The following ASIC2 variants were observed in gnomAD, a reference collection of about 807,000 sequenced individuals.
ASIC2 encodes acid-sensing ion channel 2.
A neutral mutation model predicts 57.3 loss-of-function variants in ASIC2; 25 were observed. That is an observed-to-expected ratio of 0.44 (90% CI 0.32 to 0.61). The LOEUF is 0.61. ASIC2 is among the 20% of genes least tolerant of loss of function. The pLI is 0.06. For synonymous variants in ASIC2, 319 were observed against 307.5 expected (o/e 1.04, Z -0.39); for missense variants, 641 against 738.1 (o/e 0.87, Z 1.52).
At chr17:33,960,392 C>A (rs1904881319) in intron 1 of ASIC2, among the ~76,000 whole-genome samples, 1 of 152,134 alleles carries the variant, frequency 6.6e-6, no homozygotes, top group Non-Finnish European at 1.5e-5. Context: ...GTTTTCATTG[C>A]CAGAGATGGA....
chr17:33,905,796 G>T (rs985545760), intron 1 of ASIC2, among the ~76,000 whole-genome samples: 4 of 152,010 alleles, frequency 2.6e-5, no homozygotes, highest in African/African-American at 9.7e-5. Flanking sequence ...GTGGTCGCAG[G>T]CAGGCTGAAG....
chr17:33,444,521 C>T (rs1911942166), intron 1 of ASIC2, among the ~76,000 whole-genome samples: 1 of 152,210 alleles, frequency 6.6e-6, no homozygotes. Flanking sequence ...CCTTACATCT[C>T]TTAACATCAC....
chr17:33,524,407 G>C (rs1914828841), intron 1 of ASIC2, among the ~76,000 whole-genome samples: 1 of 152,210 alleles, frequency 6.6e-6, no homozygotes, highest in African/African-American at 2.4e-5. Flanking sequence ...CCAGAAGTGG[G>C]AGCTTGGTCT....
chr17:33,924,333 T>G (rs1359983376), intron 1 of ASIC2, among the ~76,000 whole-genome samples: 2 of 152,204 alleles, frequency 1.3e-5, no homozygotes, highest in Non-Finnish European at 2.9e-5. Context: ...TCTGCTGGCT[T>G]AAGCAGGAGC....
At chr17:33,574,711 G>A (rs560813598) in intron 1 of ASIC2, among the ~76,000 whole-genome samples, 6 of 152,236 alleles carry the variant, frequency 3.9e-5, no homozygotes, top group African/African-American at 1.4e-4. Context: ...CTTACAAATT[G>A]CATATATCTT....
Position 33,962,030 on chromosome 17 carries a change from G to A in ASIC2, c.555+193948C>T, listed in dbSNP as rs12450678. Among the ~76,000 whole-genome samples the A allele has an allele frequency of 1.9e-3, 287 of 152,216 alleles. 3 individuals are homozygous for A. Among genetic ancestry groups the A allele is most frequent in the Admixed American group, 0.012 (182 of 15,284 alleles). ...CGGCCTTTCATTCTGAGGACCTCAC[G>A]GCAGTTCCTTCTTCTAACACTCCGC... On this transcript the variant is annotated intron_variant, in intron 1 of 9. Coordinates refer to the ASIC2 transcript ENST00000359872.
At chr17:33,501,911 A>G (rs1050738114) in intron 1 of ASIC2, among the ~76,000 whole-genome samples, 1 of 152,168 alleles carries the variant, frequency 6.6e-6, no homozygotes, top group African/African-American at 2.4e-5. Context: ...GAGAGCAGGG[A>G]GGAGGCTTGG....
At chr17:33,986,687 C>A (rs1905830761) in intron 1 of ASIC2, among the ~76,000 whole-genome samples, 1 of 151,998 alleles carries the variant, frequency 6.6e-6, no homozygotes, top group South Asian at 2.1e-4. Context: ...GGTTTCACAC[C>A]ATGCCTTATA....
chr17:33,861,756 G>A (rs1266503620), intron 1 of ASIC2, among the ~76,000 whole-genome samples: 1 of 152,154 alleles, frequency 6.6e-6, no homozygotes, highest in African/African-American at 2.4e-5. Context: ...AAGTGTATAG[G>A]AAAGTTCTGT....
chr17:33,388,790 G>A (rs1231776040), intron 1 of ASIC2, among the ~76,000 whole-genome samples: 1 of 152,204 alleles, frequency 6.6e-6, no homozygotes, highest in Non-Finnish European at 1.5e-5. Context: ...TATAGCAAAT[G>A]TTCACTTCTT....
intron 3 of ASIC2, among the ~76,000 whole-genome samples, chr17:33,068,363 G>A (rs576656083): frequency 2.0e-5 from 3 of 152,168 alleles, no homozygotes; most frequent in Non-Finnish European, 2.9e-5. Flanking sequence ...GAGAAACCCC[G>A]TTTCTACTAA....
At chr17:33,152,032 A>G (rs1427092520) in intron 1 of ASIC2, among the ~76,000 whole-genome samples, 3 of 152,234 alleles carry the variant, frequency 2.0e-5, no homozygotes, top group Non-Finnish European at 2.9e-5. Flanking sequence ...GGGAGCTAAC[A>G]CTGATTAAGG....
chr17:33,611,972 T>TA (rs1425145760), intron 1 of ASIC2, among the ~76,000 whole-genome samples: 2 of 152,180 alleles, frequency 1.3e-5, no homozygotes, highest in East Asian at 3.9e-4. Flanking sequence ...GAGCTCTAGT[T>TA]AGAGTCTGAA....
chr17:33,499,739 C>G (rs138014617), intron 1 of ASIC2, among the ~76,000 whole-genome samples: 7 of 152,324 alleles, frequency 4.6e-5, no homozygotes, highest in African/African-American at 1.7e-4. Flanking sequence ...GTAACTTTTG[C>G]AGGTGTCACC....
chr17:33,446,237 A>G (rs1295261417), intron 1 of ASIC2, among the ~76,000 whole-genome samples: 1 of 152,148 alleles, frequency 6.6e-6, no homozygotes, highest in Non-Finnish European at 1.5e-5. Context: ...GGTGGAGAAA[A>G]GCATCATCTG....
intron 1 of ASIC2, among the ~76,000 whole-genome samples, chr17:33,219,329 A>G (rs544091587): frequency 1.3e-5 from 2 of 152,324 alleles, no homozygotes; most frequent in South Asian, 4.1e-4. Context: ...ATTACTTCAT[A>G]TCTTACTTCA....
intron 1 of ASIC2, among the ~76,000 whole-genome samples, chr17:33,837,150 T>C (rs183412): frequency 0.89 from 135,081 of 152,134 alleles, 60,337 homozygotes; most frequent in East Asian, 1. Flanking sequence ...ATGTCAAGTC[T>C]TCTGATAAGT....
At chr17:34,145,080 CT>C (rs1159019459) in intron 1 of ASIC2, among the ~76,000 whole-genome samples, 4 of 152,228 alleles carry the variant, frequency 2.6e-5, no homozygotes, top group African/African-American at 9.6e-5. Flanking sequence ...CCTCTGGGAA[CT>C]GCCTCTTGAG....
intron 1 of ASIC2, among the ~76,000 whole-genome samples, chr17:33,661,605 G>T (rs2043528262): frequency 6.6e-6 from 1 of 152,206 alleles, no homozygotes; most frequent in South Asian, 2.1e-4. Flanking sequence ...AGGCAGGGGA[G>T]AGTAGTTGGG....
Sources: allele counts gnomAD v4.1 joint callset (sites outside exome capture counted in the v4.1 genomes callset), GRCh38; gene constraint gnomAD v4.1.1; transcripts MANE v1.5; gene names NCBI Gene and HGNC (gene_info 2026-07-23, HGNC 2026-07-21).